The following HOGA1 variants were observed in gnomAD, a reference collection of about 807,000 sequenced individuals.
HOGA1 encodes 4-hydroxy-2-oxoglutarate aldolase 1, also known as 4-hydroxy-2-oxoglutarate aldolase, mitochondrial.
In HOGA1, 30 loss-of-function variants were observed where a neutral mutation model predicts 34.3. The ratio of observed to expected loss-of-function variants is 0.87; its 90% confidence interval spans 0.65 to 1.19. HOGA1 has a LOEUF of 1.19. HOGA1 is among the 50% of genes most tolerant of loss of function. The pLI, the probability that HOGA1 is intolerant of heterozygous loss-of-function variation, is 0.00. For missense variants in HOGA1, 417 were observed against 436.5 expected (o/e 0.96, Z 0.40); for synonymous variants, 161 against 174.0 (o/e 0.93, Z 0.59).
At position 97,611,651 on chromosome 10, in the gene HOGA1, T is replaced by G. The variant is rs761995486; in HGVS notation, c.976T>G (p.Trp326Gly). 3.1e-6 allele frequency: 5 copies of G among 1,613,218 alleles called. No homozygotes were observed. The change falls in exon 7 of 7, where the codon TGG becomes GGG. Residue 326 changes from tryptophan (W) to glycine (G), a missense_variant. Transcript: ENST00000370646. ...GCGCATGGATTTCACCAGCAACGGC[T>G]GGCTCTGAGGGCAGGCAGGGTCCAT... ...ALRMDFTSNGWL is the reference protein window; with the variant it reads ...ALRMDFTSNGGL
At chr10:97,610,481 T>C (rs527286183) in intron 6 of HOGA1, among the ~76,000 whole-genome samples, 18 of 151,262 alleles carry the variant, frequency 1.2e-4, no homozygotes, top group African/African-American at 3.9e-4. Context: ...AACATAAACA[T>C]AAAATAAAAA....
intron 1 of HOGA1, chr10:97,590,633 GCT>G (rs1205821048): frequency 2.8e-5 from 43 of 1,512,716 alleles, no homozygotes; most frequent in Non-Finnish European, 3.7e-5. Context: ...AGCAAGGCTG[GCT>G]CACACACACG....
At chr10:97,598,260 T>G (rs1459475097) in intron 1 of HOGA1, among the ~76,000 whole-genome samples, 1 of 152,202 alleles carries the variant, frequency 6.6e-6, no homozygotes, top group African/African-American at 2.4e-5. Flanking sequence ...AGTGCTGAAA[T>G]TATAGGTGTG....
chr10:97,599,620 T>G, intron 3 of HOGA1, 60 bp from the exon 4 acceptor site: 1 of 1,608,950 alleles, frequency 6.2e-7, no homozygotes, highest in South Asian at 1.1e-5. Flanking sequence ...GGCAAGTCTC[T>G]GGCTCTTGGG....
chr10:97,586,437 G>A (rs955126279), intron 1 of HOGA1, among the ~76,000 whole-genome samples: 1 of 152,228 alleles, frequency 6.6e-6, no homozygotes, highest in Non-Finnish European at 1.5e-5. Context: ...AGTACTGAGG[G>A]AATGTGCCCC....
Position 97,598,833 on chromosome 10 carries a change from C to T in HOGA1, c.270C>T (p.Leu90=), listed in dbSNP as rs762968853. 7 of 1,614,150 alleles carry T rather than the reference C, an allele frequency of 4.3e-6. No individual in the cohort carries two copies. The highest frequency in any genetic ancestry group is 1.6e-4 in the Middle Eastern group (1 of 6,062). Reference sequence around the variant, plus strand: ...CTTTCCTGACCAGCAGTGAGCGCCTCGAGGTGGTGAGCCGTGTGCGCCAGG... The same window carrying T: ...CTTTCCTGACCAGCAGTGAGCGCCTTGAGGTGGTGAGCCGTGTGCGCCAGG... ...EFPFLTSSER[L]EVVSRVRQAM... Residue 90 remains leucine (L), a synonymous_variant, in exon 2 of 7, where the codon CTC becomes CTT. Transcript: ENST00000370646.
intron 6 of HOGA1, among the ~76,000 whole-genome samples, chr10:97,606,609 A>C (rs2041160151): frequency 6.6e-6 from 1 of 152,138 alleles, no homozygotes. Context: ...CCATTGATGT[A>C]TATGTCTATC....
chr10:97,610,369 G>A (rs1018644327), intron 6 of HOGA1, among the ~76,000 whole-genome samples: 2 of 152,196 alleles, frequency 1.3e-5, no homozygotes, highest in Admixed American at 6.5e-5. Context: ...TGTGGAGGCT[G>A]AGGTGGGAGA....
At chr10:97,602,322 C>T in intron 6 of HOGA1, 1 of 1,254,214 alleles carries the variant, frequency 8.0e-7, no homozygotes, top group Non-Finnish European at 1.0e-6. Context: ...CTTAGAGATG[C>T]CTGGAGAGAA....
chr10:97,587,054 T>A (rs1328047969), intron 1 of HOGA1, among the ~76,000 whole-genome samples: 1 of 152,072 alleles, frequency 6.6e-6, no homozygotes, highest in Admixed American at 6.6e-5. Context: ...AGCCACAGGG[T>A]CAATATAATC....
At chr10:97,611,052 G>T (rs4919120) in intron 6 of HOGA1, among the ~76,000 whole-genome samples, 2 of 151,980 alleles carry the variant, frequency 1.3e-5, no homozygotes, top group Non-Finnish European at 2.9e-5. Flanking sequence ...AGGGCAGCCA[G>T]ATGCAAGGGG....
chr10:97,586,769 G>C (rs1219840861), intron 1 of HOGA1, among the ~76,000 whole-genome samples: 1 of 152,148 alleles, frequency 6.6e-6, no homozygotes, highest in Non-Finnish European at 1.5e-5. Flanking sequence ...GGGGTGCCCA[G>C]GAGCACAGGC....
intron 1 of HOGA1, among the ~76,000 whole-genome samples, chr10:97,585,565 T>C (rs2040963373): frequency 6.6e-6 from 1 of 152,200 alleles, no homozygotes; most frequent in African/African-American, 2.4e-5. Context: ...CATTCCTTAC[T>C]GCACAATCCC....
At position 97,594,168 on chromosome 10, in the gene HOGA1, C is replaced by CTT. The variant is rs71007354; in HGVS notation, c.212-4583_212-4582dup. ...ACAGGCATGAGCCACTGCGCCTGGT[C>CTT]TTTTTTTTTTTTTTTTTTTTTTTTT... is the stretch of plus-strand genomic sequence containing the variant. On this transcript the variant is annotated intron_variant, in intron 1 of 6. Transcript: ENST00000370646. Among the ~76,000 whole-genome samples, 87 of 43,454 alleles carry CTT rather than the reference C, an allele frequency of 2.0e-3. 3 individuals are homozygous for CTT. The highest frequency in any genetic ancestry group is 0.043 in the Middle Eastern group (2 of 46). The allele number at this position is 43,454 out of a possible 152,430, so 28.5% of individuals were successfully genotyped here. A position where few individuals can be genotyped will look rare whatever the true frequency, so the allele number is the denominator to read the frequency against.
intron 5 of HOGA1, 117 bp downstream of exon 5, chr10:97,600,280 C>A (rs904586074): frequency 3.5e-6 from 3 of 865,612 alleles, no homozygotes; most frequent in South Asian, 1.4e-5. Flanking sequence ...AGTTTGCCAG[C>A]CTGCCCACTC....
intron 5 of HOGA1, chr10:97,601,072 G>A (rs1032664667): frequency 2.6e-5 from 4 of 153,126 alleles, no homozygotes; most frequent in Admixed American, 2.6e-4. Flanking sequence ...TCTGTGTACA[G>A]AGGGATCATG....
Position 97,611,837 on chromosome 10 carries a change from T to G in HOGA1, c.*178T>G. The G allele has an allele frequency of 1.4e-5, 9 of 654,650 alleles. No homozygotes were observed. The highest frequency in any genetic ancestry group is 2.4e-5 in the Non-Finnish European group (9 of 380,890). The allele number at this position is 654,650 out of a possible 1,614,324, so 40.6% of individuals were successfully genotyped here. A position where few individuals can be genotyped will look rare whatever the true frequency, so the allele number is the denominator to read the frequency against. On this transcript the variant is annotated 3_prime_UTR_variant, in exon 7 of 7. Transcript: ENST00000370646. ...CACAGGCACGCCCATGCATATCTCCTATTCTAACGGCCCCTGACCTCTCCC... is the reference window on the plus strand; with the variant it reads ...CACAGGCACGCCCATGCATATCTCCGATTCTAACGGCCCCTGACCTCTCCC...
intron 1 of HOGA1, among the ~76,000 whole-genome samples, chr10:97,596,673 C>T (rs1366734979): frequency 2.7e-5 from 4 of 146,202 alleles, no homozygotes; most frequent in South Asian, 2.1e-4. Context: ...TGCCTCCAGA[C>T]GTTCCCTGCA....
chr10:97,596,012 G>T (rs779756378), intron 1 of HOGA1, among the ~76,000 whole-genome samples: 105 of 152,282 alleles, frequency 6.9e-4, no homozygotes, highest in Non-Finnish European at 1.4e-3. Flanking sequence ...AGTCCTATAA[G>T]CTAGGATTGA....
Sources: gnomAD v4.1 joint callset for allele counts (sites outside exome capture counted in the v4.1 genomes callset) on GRCh38, gnomAD v4.1.1 for gene constraint, MANE v1.5 for transcripts, NCBI Gene and HGNC (gene_info 2026-07-23, HGNC 2026-07-21) for gene names.